CRYBG3: variants seen among roughly 807,000 people sequenced by gnomAD.
The protein encoded by CRYBG3 is crystallin beta-gamma domain containing 3.
In CRYBG3, 127 loss-of-function variants were observed where a neutral mutation model predicts 244.2. The observed-to-expected ratio is 0.52, with a 90% confidence interval of 0.45 to 0.60. The LOEUF is 0.60. Ranked by LOEUF, CRYBG3 falls within the 20% of genes least tolerant of loss-of-function variation. CRYBG3 has a pLI of 0.00. For synonymous variants in CRYBG3, 1,132 were observed against 1,195.8 expected (o/e 0.95, Z 1.10); for missense variants, 3,325 against 3,442.5 (o/e 0.97, Z 0.85).
chr3:97,846,498 C>G (rs2038903328), intron 2 of CRYBG3, among the ~76,000 whole-genome samples: 1 of 152,190 alleles, frequency 6.6e-6, no homozygotes, highest in South Asian at 2.1e-4. Context: ...ATCTCAAATT[C>G]AGTTTCTCCA....
intron 1 of CRYBG3, among the ~76,000 whole-genome samples, chr3:97,842,860 AAAT>A (rs2038842106): frequency 6.6e-6 from 1 of 152,192 alleles, no homozygotes. Context: ...ACCTTCACAT[AAAT>A]AATATCTTAG....
rs141287169 is a variant in CRYBG3 at position 97,858,099 on chromosome 3, T to C, written c.217-6118T>C. Reference sequence around the variant, plus strand: ...GATGAATTTTCTCAGTTTTTGTTTGTCTGGAAGGGACTTTATTTTTCCTTC... The same window carrying C: ...GATGAATTTTCTCAGTTTTTGTTTGCCTGGAAGGGACTTTATTTTTCCTTC... On this transcript the variant is annotated intron_variant, in intron 2 of 21. Transcript: ENST00000389622. 5.9e-5 allele frequency among the ~76,000 whole-genome samples: 9 copies of C among 152,058 alleles called. 1 individual carries two copies. Among genetic ancestry groups the C allele is most frequent in the African/African-American group, 2.2e-4 (9 of 41,536 alleles).
chr3:97,927,390 T>C (rs1055916454), intron 17 of CRYBG3, among the ~76,000 whole-genome samples: 1 of 152,054 alleles, frequency 6.6e-6, no homozygotes, highest in Non-Finnish European at 1.5e-5. Flanking sequence ...ACTGAACCCC[T>C]TGCTTTCACC....
rs757797246 is a variant in CRYBG3 at position 97,877,448 on chromosome 3, T to C, written c.6254T>C (p.Leu2085Ser). 1.2e-5 allele frequency: 20 copies of C among 1,614,056 alleles called. No homozygotes were observed. The highest frequency in any genetic ancestry group is 1.7e-5 in the Non-Finnish European group (20 of 1,180,018). Reference protein sequence around the residue: ...AKRYKIYPLALSPIYEDDSSQ... With the variant: ...AKRYKIYPLASSPIYEDDSSQ... ...AGGTACAAAATTTATCCTTTAGCAT[T>C]GTCTCCCATTTATGAGGATGACAGC... is the stretch of plus-strand genomic sequence containing the variant. Residue 2085 changes from leucine (L) to serine (S), a missense_variant, in exon 4 of 22, where the codon TTG becomes TCG. This residue lies in a region of CRYBG3 where 450 missense variants were observed against 424.1 expected (regional missense o/e 1.06). Coordinates refer to ENST00000389622, the MANE Select transcript of CRYBG3 (RefSeq NM_153605.4).
At chr3:97,841,320 G>A (rs1436881932) in intron 1 of CRYBG3, among the ~76,000 whole-genome samples, 9 of 149,408 alleles carry the variant, frequency 6.0e-5, no homozygotes, top group African/African-American at 1.2e-4. Context: ...GTGTATATAC[G>A]CATATATATA....
At chr3:97,898,765 C>A in intron 12 of CRYBG3, 118 bp from the exon 13 acceptor site, 1 of 636,450 alleles carries the variant, frequency 1.6e-6, no homozygotes. Flanking sequence ...ATCTAAAATT[C>A]TTCCTGGAGT....
chr3:97,872,548 A>G lies in CRYBG3; in HGVS notation c.1354A>G (p.Ser452Gly). Residue 452 changes from serine to glycine, a missense_variant, in exon 4 of 22, where the codon AGT (serine) becomes GGT (glycine). Transcript: ENST00000389622. ...TGGGAGTGACACTACTGAGCAGGAA[A>G]GTACAAATTTGCCAAGTCCAAATAA... Reference protein sequence around the residue: ...SDGSDTTEQESTNLPSPNKSI... With the variant: ...SDGSDTTEQEGTNLPSPNKSI... The G allele has an allele frequency of 6.5e-7, 1 of 1,536,010 alleles. No individual in the cohort carries two copies. Among genetic ancestry groups the G allele is most frequent in the Non-Finnish European group, 8.7e-7 (1 of 1,146,830 alleles).
chr3:97,859,639 T>C (rs1420954970), intron 2 of CRYBG3, among the ~76,000 whole-genome samples: 1 of 152,182 alleles, frequency 6.6e-6, no homozygotes, highest in Non-Finnish European at 1.5e-5. Flanking sequence ...TGGAGCTGCA[T>C]TCCCCAGAAA....
At chr3:97,924,161 A>T (rs1186573240) in intron 17 of CRYBG3, 1 of 314,550 alleles carries the variant, frequency 3.2e-6, no homozygotes, top group Admixed American at 4.9e-5. Context: ...TTGGAAGATA[A>T]CAGCATTCCA....
At chr3:97,910,110 G>A (rs1418082473) in intron 15 of CRYBG3, among the ~76,000 whole-genome samples, 1 of 151,686 alleles carries the variant, frequency 6.6e-6, no homozygotes, top group African/African-American at 2.4e-5. Context: ...CCCGTTCTCA[G>A]ATCTCCAGCT....
At chr3:97,868,876 T>C (rs1182722721) in intron 3 of CRYBG3, among the ~76,000 whole-genome samples, 1 of 152,170 alleles carries the variant, frequency 6.6e-6, no homozygotes, top group African/African-American at 2.4e-5. Flanking sequence ...TTCTGATCCT[T>C]TTCTCTTATT....
chr3:97,879,843 A>G (rs561754046), intron 5 of CRYBG3, 95 bp downstream of exon 5: 3 of 980,432 alleles, frequency 3.1e-6, no homozygotes, highest in Non-Finnish European at 4.7e-6. Context: ...TAATGATTTT[A>G]TTCAAGGATT....
At chr3:97,837,515 G>A (rs1226023597) in intron 1 of CRYBG3, among the ~76,000 whole-genome samples, 1 of 152,144 alleles carries the variant, frequency 6.6e-6, no homozygotes, top group East Asian at 1.9e-4. Context: ...CACAGCTCAT[G>A]TAGTAGAAGT....
At chr3:97,883,350 G>A (rs2039471975) in intron 7 of CRYBG3, among the ~76,000 whole-genome samples, 1 of 152,120 alleles carries the variant, frequency 6.6e-6, no homozygotes, top group South Asian at 2.1e-4. Flanking sequence ...AAAATGACTA[G>A]TTAGTTCGTA....
Position 97,822,199 on chromosome 3 carries a change from C to A in CRYBG3, c.-8C>A. 1 of 1,515,398 alleles carries A rather than the reference C, an allele frequency of 6.6e-7. No homozygotes were observed. The highest frequency in any genetic ancestry group is 1.2e-5 in the South Asian group (1 of 81,346). The allele number at this position is 1,515,398 out of a possible 1,614,324, so 93.9% of individuals were successfully genotyped here. On this transcript the variant is annotated 5_prime_UTR_variant, in exon 1 of 22. Coordinates refer to ENST00000389622, the MANE Select transcript of CRYBG3 (RefSeq NM_153605.4). ...CAGACAGCCCCGGGCCAGCGGCCCCCTCGGGAAATGTCCAGCGGCCGCAGA... is the reference window on the plus strand; with the variant it reads ...CAGACAGCCCCGGGCCAGCGGCCCCATCGGGAAATGTCCAGCGGCCGCAGA...
intron 15 of CRYBG3, among the ~76,000 whole-genome samples, chr3:97,911,349 C>T (rs958983550): frequency 2.5e-4 from 38 of 152,148 alleles, no homozygotes; most frequent in African/African-American, 8.2e-4. Context: ...TTTACGGGCT[C>T]TTTAATTTTT....
intron 6 of CRYBG3, among the ~76,000 whole-genome samples, chr3:97,880,338 A>G (rs1047188260): frequency 3.8e-4 from 58 of 152,224 alleles, no homozygotes; most frequent in African/African-American, 1.4e-3. Flanking sequence ...GACCTAATCT[A>G]TACAATCAAT....
chr3:97,872,585 A>G lies in CRYBG3; in HGVS notation c.1391A>G (p.His464Arg). 1 of 1,536,032 alleles carries G rather than the reference A, an allele frequency of 6.5e-7. No individual in the cohort carries two copies. Among genetic ancestry groups the G allele is most frequent in the Non-Finnish European group, 8.7e-7 (1 of 1,146,840 alleles). The stretch of plus-strand genomic sequence containing the variant: ...CCAAGTCCAAATAAATCAATTAGGC[A>G]TGAACATCTGCAGTTGCCAGAGAGT... ...NLPSPNKSIRHEHLQLPESEC... is the reference protein window; with the variant it reads ...NLPSPNKSIRREHLQLPESEC... The change falls in exon 4 of 22, where the codon CAT becomes CGT. Residue 464 changes from histidine (H) to arginine (R), a missense_variant. By Grantham distance (29) the His-to-Arg change is conservative. Transcript: ENST00000389622.
At chr3:97,943,163 A>G in intron 21 of CRYBG3, 63 bp from the exon 22 acceptor site, 4 of 894,502 alleles carry the variant, frequency 4.5e-6, no homozygotes, top group Non-Finnish European at 7.2e-6. Flanking sequence ...GCTTGTGAAA[A>G]TTGTGAAATT....
Sources: allele counts gnomAD v4.1 joint callset (sites outside exome capture counted in the v4.1 genomes callset), GRCh38; gene constraint gnomAD v4.1.1; regional missense constraint gnomAD v4.1.1; transcripts MANE v1.5; gene names NCBI Gene and HGNC (gene_info 2026-07-23, HGNC 2026-07-21).